JAKMIP1: variants seen among roughly 807,000 people sequenced by gnomAD.
The protein encoded by JAKMIP1 is janus kinase and microtubule interacting protein 1.
In JAKMIP1, 33 loss-of-function variants were observed where a neutral mutation model predicts 113.0. The ratio of observed to expected loss-of-function variants is 0.29; its 90% CI spans 0.22 to 0.39. The LOEUF (loss-of-function observed/expected upper bound fraction) is 0.39. Among genes scored for constraint, JAKMIP1 ranks in the 10% least tolerant of loss-of-function variants. The pLI, the probability that JAKMIP1 is intolerant of heterozygous loss-of-function variation, is 1.00. For missense variants in JAKMIP1, 813 were observed against 1,080.5 expected, an observed-to-expected ratio of 0.75 and a Z score of 3.47; for synonymous variants, 480 against 459.9, an observed-to-expected ratio of 1.04 and a Z score of -0.56.
chr4:6,161,916 T>G (rs1485032864), intron 1 of JAKMIP1, among the ~76,000 whole-genome samples: 1 of 152,190 alleles, frequency 6.6e-6, no homozygotes, highest in Non-Finnish European at 1.5e-5. Context: ...GCTTTCTTGC[T>G]GGGACACCTG....
At chr4:6,036,420 T>C (rs4330301) in intron 18 of JAKMIP1, among the ~76,000 whole-genome samples, 1 of 152,282 alleles carries the variant, frequency 6.6e-6, no homozygotes, top group Admixed American at 6.5e-5. Context: ...AGAGGTGCAA[T>C]TCACCTGGGT....
chr4:6,086,101 T>C lies in JAKMIP1; in HGVS notation c.625-472A>G, dbSNP rs1329383825. Among the ~76,000 whole-genome samples, 1 of 152,022 alleles carries C rather than the reference T, an allele frequency of 6.6e-6. No homozygotes were observed. The highest frequency in any genetic ancestry group is 1.5e-5 in the Non-Finnish European group (1 of 68,006). ...CCTGCCAAGGTCACCAGTGCTCTCC[T>C]GGCCACCGAACCCACCGGACAACGT... On this transcript the variant is annotated intron_variant, in intron 3 of 20. Coordinates refer to ENST00000409021, the MANE Select transcript of JAKMIP1 (RefSeq NM_001099433.2). This position sits in a 1 kb window ranked among gnomAD's most constrained non-coding sequence, Gnocchi z 4.1.
intron 1 of JAKMIP1, among the ~76,000 whole-genome samples, chr4:6,113,376 G>C (rs1715259587): frequency 6.6e-6 from 1 of 152,162 alleles, no homozygotes; most frequent in African/African-American, 2.4e-5. Flanking sequence ...CTTCCAAAAA[G>C]CAGGGCCCTG....
At chr4:6,046,989 G>A (rs1299271983) in intron 16 of JAKMIP1, among the ~76,000 whole-genome samples, 2 of 152,218 alleles carry the variant, frequency 1.3e-5, no homozygotes, top group Admixed American at 6.5e-5. Flanking sequence ...CACAGGCATT[G>A]ACCAAGCATC....
intron 1 of JAKMIP1, among the ~76,000 whole-genome samples, chr4:6,161,111 T>C (rs1215120529): frequency 1.6e-5 from 2 of 127,018 alleles, no homozygotes; most frequent in African/African-American, 6.3e-5. Flanking sequence ...CCTCCTCTGA[T>C]CTCCACTCAT....
rs1282934297 is a variant in JAKMIP1, at chr4:6,080,378, T to C, written c.1102-66A>G. The C allele has an allele frequency of 1.3e-6, 2 of 1,563,672 alleles. No homozygotes were observed. Among genetic ancestry groups the C allele is most frequent in the Non-Finnish European group, 1.7e-6 (2 of 1,150,328 alleles). On this transcript the variant is annotated intron_variant, in intron 6 of 20. Transcript: ENST00000409021. The surrounding 1 kb of genome is among the most constrained non-coding windows in gnomAD (Gnocchi z 6.0). ...CAACAGTGTTTGTTAGGGACAGTGC[T>C]GGAGTGGAGCTCAGGGGTGCAGGGA... is the stretch of plus-strand genomic sequence containing the variant.
At chr4:6,028,515 C>G (rs1712154833) in intron 20 of JAKMIP1, among the ~76,000 whole-genome samples, 1 of 152,214 alleles carries the variant, frequency 6.6e-6, no homozygotes, top group African/African-American at 2.4e-5. Flanking sequence ...AAGTGCTGTC[C>G]CATCTCTCTG....
rs111909845 is a variant in JAKMIP1, at chr4:6,135,614, G to T, written c.-147-22617C>A. 0.011 allele frequency among the ~76,000 whole-genome samples: 1,624 copies of T among 152,268 alleles called. 24 individuals carry two copies. The highest frequency in any genetic ancestry group is 0.036 in the African/African-American group (1,497 of 41,538). On this transcript the variant is annotated intron_variant, in intron 1 of 20. Coordinates refer to ENST00000409021, the MANE Select transcript of JAKMIP1 (RefSeq NM_001099433.2). The surrounding 1 kb of genome is among the most constrained non-coding windows in gnomAD (Gnocchi z 4.9). ...AAAGCCATCGCATACACAGCATTTT[G>T]CAGATTAAAATAATCTAGTTCCCTG...
At chr4:6,053,164 A>G (rs768109472) in intron 13 of JAKMIP1, among the ~76,000 whole-genome samples, 2 of 152,240 alleles carry the variant, frequency 1.3e-5, no homozygotes, top group Non-Finnish European at 2.9e-5. Flanking sequence ...TTTTCAACAG[A>G]AACAAAAAAA....
intron 1 of JAKMIP1, among the ~76,000 whole-genome samples, chr4:6,166,406 G>A (rs968151314): frequency 6.6e-6 from 1 of 152,178 alleles, no homozygotes; most frequent in African/African-American, 2.4e-5. Context: ...GGCAATGGCC[G>A]GAGGAGGAAG....
Position 6,154,691 on chromosome 4 carries a change from C to A in JAKMIP1, c.-147-41694G>T, listed in dbSNP as rs559213263. On this transcript the variant is annotated intron_variant, in intron 1 of 20. Coordinates refer to ENST00000409021, the MANE Select transcript of JAKMIP1 (RefSeq NM_001099433.2). This position sits in a 1 kb window ranked among gnomAD's most constrained non-coding sequence, Gnocchi z 4.2. The stretch of plus-strand genomic sequence containing the variant: ...CAAATGGAATTCTTTTCAATCCGGC[C>A]CGCTGAACCCCTCTTTCAGTTTACT... 6.6e-6 allele frequency among the ~76,000 whole-genome samples: 1 copy of A among 152,172 alleles called. No individual in the cohort carries two copies. Among genetic ancestry groups the A allele is most frequent in the Non-Finnish European group, 1.5e-5 (1 of 68,002 alleles).
intron 19 of JAKMIP1, among the ~76,000 whole-genome samples, chr4:6,033,313 T>G (rs755151876): frequency 6.6e-6 from 1 of 152,128 alleles, no homozygotes; most frequent in Non-Finnish European, 1.5e-5. Context: ...AGCTAGTGCT[T>G]GGGCCAGATC....
intron 1 of JAKMIP1, among the ~76,000 whole-genome samples, chr4:6,113,657 C>T (rs970279755): frequency 3.3e-5 from 5 of 152,228 alleles, no homozygotes; most frequent in Non-Finnish European, 7.3e-5. Flanking sequence ...TCAAGGTCCA[C>T]AGCTGGAAGC....
In JAKMIP1 at chr4:6,067,638, C is replaced by G. The variant is rs180944540; in HGVS notation, c.1303-2630G>C. On this transcript the variant is annotated intron_variant, in intron 8 of 20. Transcript: ENST00000409021. The surrounding 1 kb of genome is among the most constrained non-coding windows in gnomAD (Gnocchi z 4.6). The stretch of plus-strand genomic sequence containing the variant: ...CCTGAGCTCCAGGTTCACTCAAGCT[C>G]TTCTGCACACACACACACAGGTCAC... 3.4e-5 allele frequency among the ~76,000 whole-genome samples: 5 copies of G among 148,628 alleles called. No homozygotes were observed. The highest frequency in any genetic ancestry group is 9.9e-5 in the African/African-American group (4 of 40,532).
At position 6,194,921 on chromosome 4, in the gene JAKMIP1, G is replaced by C. The variant is rs533482807; in HGVS notation, c.-148+5332C>G. 5.7e-4 allele frequency among the ~76,000 whole-genome samples: 87 copies of C among 152,310 alleles called. No individual in the cohort carries two copies. Among genetic ancestry groups the C allele is most frequent in the Admixed American group, 1.2e-3 (18 of 15,300 alleles). On this transcript the variant is annotated intron_variant, in intron 1 of 20. Coordinates refer to ENST00000409021, the MANE Select transcript of JAKMIP1 (RefSeq NM_001099433.2). This position sits in a 1 kb window ranked among gnomAD's most constrained non-coding sequence, Gnocchi z 7.4. ...AGGGGCCACCTCAGACCACACAGAG[G>C]GGAACAGGCTGACCTAACACAAGTG...
intron 3 of JAKMIP1, among the ~76,000 whole-genome samples, chr4:6,092,469 C>A (rs534294418): frequency 1.8e-4 from 27 of 152,382 alleles, no homozygotes; most frequent in African/African-American, 6.5e-4. Context: ...CCCCTTCCTG[C>A]TCCTCTGGGA....
chr4:6,089,477 C>T lies in JAKMIP1; in HGVS notation c.625-3848G>A, dbSNP rs1365568972. ...GTCTTTAAAAGATCCTCAAAGTGGA[C>T]ATCATTTACCCCAAGTTACACACAA... On this transcript the variant is annotated intron_variant, in intron 3 of 20. Coordinates refer to ENST00000409021, the MANE Select transcript of JAKMIP1 (RefSeq NM_001099433.2). This position sits in a 1 kb window ranked among gnomAD's most constrained non-coding sequence, Gnocchi z 5.3. 1.3e-5 allele frequency among the ~76,000 whole-genome samples: 2 copies of T among 152,186 alleles called. No homozygotes were observed. Among genetic ancestry groups the T allele is most frequent in the African/African-American group, 4.8e-5 (2 of 41,440 alleles).
chr4:6,172,739 C>T (rs1363671869), intron 1 of JAKMIP1, among the ~76,000 whole-genome samples: 1 of 152,218 alleles, frequency 6.6e-6, no homozygotes, highest in Non-Finnish European at 1.5e-5. Context: ...ACTTATCTCA[C>T]CTGCAAGCTC....
At chr4:6,173,081 G>T (rs1327998765) in intron 1 of JAKMIP1, among the ~76,000 whole-genome samples, 2 of 152,180 alleles carry the variant, frequency 1.3e-5, no homozygotes, top group East Asian at 3.8e-4. Context: ...AGCCCTACAA[G>T]ATGTTCACGC....
Sources: gnomAD v4.1 joint callset for allele counts (sites outside exome capture counted in the v4.1 genomes callset) on GRCh38, gnomAD v4.1.1 for gene constraint, Gnocchi (gnomAD v3.1) non-coding constraint, MANE v1.5 for transcripts, NCBI Gene and HGNC (gene_info 2026-07-23, HGNC 2026-07-21) for gene names.